The following MBNL1 variants were observed in gnomAD, a reference collection of about 807,000 sequenced individuals.
The protein encoded by MBNL1 is muscleblind-like protein 1.
A neutral mutation model predicts 42.2 loss-of-function variants in MBNL1; 8 were observed. The observed-to-expected ratio is 0.19, with a 90% confidence interval of 0.11 to 0.34. MBNL1 has a LOEUF of 0.34. MBNL1 is among the 10% of genes least tolerant of loss of function. The pLI, the probability that MBNL1 is intolerant of heterozygous loss-of-function variation, is 1.00. For synonymous variants in MBNL1, 169 were observed against 173.9 expected, an observed-to-expected ratio of 0.97 and a Z score of 0.22; for missense variants, 309 against 495.3, an observed-to-expected ratio of 0.62 and a Z score of 3.57.
intron 4 of MBNL1, among the ~76,000 whole-genome samples, 181 bp downstream of exon 4, chr3:152,433,101 A>G (rs998228400): frequency 6.6e-6 from 1 of 152,192 alleles, no homozygotes; most frequent in East Asian, 1.9e-4. Flanking sequence ...TGTAACGTTT[A>G]TAAAGGCTAC....
intron 2 of MBNL1, among the ~76,000 whole-genome samples, chr3:152,409,928 A>G (rs2098525631): frequency 1.3e-5 from 2 of 152,168 alleles, no homozygotes; most frequent in African/African-American, 4.8e-5. Context: ...AAGTCCAACC[A>G]ACTTCTAATC....
At chr3:152,380,193 A>T (rs1282762364) in intron 2 of MBNL1, among the ~76,000 whole-genome samples, 1 of 152,112 alleles carries the variant, frequency 6.6e-6, no homozygotes, top group Non-Finnish European at 1.5e-5. Context: ...AAGTTTGAAG[A>T]TGCATCATAA....
At chr3:152,420,177 G>T (rs867784171) in intron 3 of MBNL1, among the ~76,000 whole-genome samples, 7 of 152,186 alleles carry the variant, frequency 4.6e-5, no homozygotes, top group Non-Finnish European at 1.0e-4. Flanking sequence ...GGCTGTGGGC[G>T]CAGCTTCAGC....
chr3:152,306,866 C>T (rs2063416242), intron 2 of MBNL1, among the ~76,000 whole-genome samples: 1 of 152,208 alleles, frequency 6.6e-6, no homozygotes, highest in Non-Finnish European at 1.5e-5. Context: ...CTCATCTTGA[C>T]AAACTTGTCA....
intron 3 of MBNL1, among the ~76,000 whole-genome samples, chr3:152,426,298 C>T (rs1224663143): frequency 2.6e-5 from 4 of 151,990 alleles, no homozygotes; most frequent in African/African-American, 9.7e-5. Context: ...CACATGTATG[C>T]CCATGTAACA....
At chr3:152,407,621 AAAAAAATCCTAT>A (rs1560475126) in intron 2 of MBNL1, among the ~76,000 whole-genome samples, 5 of 152,156 alleles carry the variant, frequency 3.3e-5, no homozygotes, top group Non-Finnish European at 7.4e-5. Context: ...ATTATGTAAT[AAAAAAATCCTAT>A]TTACTTATTT....
At chr3:152,270,259 G>A (rs1273154163) in intron 1 of MBNL1, among the ~76,000 whole-genome samples, 1 of 152,120 alleles carries the variant, frequency 6.6e-6, no homozygotes, top group African/African-American at 2.4e-5. Context: ...GCAGATGGAT[G>A]GCAAACTCTG....
intron 3 of MBNL1, 113 bp downstream of exon 3, chr3:152,415,224 C>A: frequency 9.8e-7 from 1 of 1,024,310 alleles, no homozygotes; most frequent in Non-Finnish European, 1.3e-6. Context: ...ATTTCAGTTG[C>A]CTTACCATTT....
At chr3:152,365,962 C>T (rs1052283540) in intron 2 of MBNL1, among the ~76,000 whole-genome samples, 11 of 152,050 alleles carry the variant, frequency 7.2e-5, no homozygotes, top group Admixed American at 6.6e-4. Flanking sequence ...TTTGTTAGGA[C>T]AAACATGTAA....
intron 2 of MBNL1, among the ~76,000 whole-genome samples, chr3:152,343,940 T>C (rs1238484636): frequency 1.3e-5 from 2 of 152,126 alleles, no homozygotes; most frequent in African/African-American, 4.8e-5. Context: ...TATTCCCTTA[T>C]AAATAAGTTA....
rs1023006189 is a variant in MBNL1, at chr3:152,297,254, G to GTTT, written c.-789-2133_-789-2131dup. 4.0e-3 allele frequency among the ~76,000 whole-genome samples: 407 copies of GTTT among 101,480 alleles called. 4 individuals carry two copies. The highest frequency in any genetic ancestry group is 0.025 in the East Asian group (99 of 3,884). 66.6% of individuals were successfully genotyped at this position (101,480 alleles called of 152,430 possible). A position where few individuals can be genotyped will look rare whatever the true frequency, so the allele number is the denominator to read the frequency against. On this transcript the variant is annotated intron_variant, in intron 1 of 9. Coordinates refer to ENST00000324210, the MANE Select transcript of MBNL1 (RefSeq NM_021038.5). ...GCTTACAGTTTATGACTGGACCTTT[G>GTTT]TTTTTTTTTTTTTTTTTTTTATAGA...
At chr3:152,338,230 G>A (rs1236503700) in intron 2 of MBNL1, 20 of 985,060 alleles carry the variant, frequency 2.0e-5, no homozygotes, top group South Asian at 9.4e-5. Context: ...GTGTTCTGGC[G>A]GGAATCTTGG....
intron 1 of MBNL1, among the ~76,000 whole-genome samples, chr3:152,289,277 A>G (rs2054426716): frequency 6.6e-6 from 1 of 152,140 alleles, no homozygotes; most frequent in Admixed American, 6.5e-5. Flanking sequence ...GTAATATATA[A>G]TTGTTAAAAA....
chr3:152,245,282 T>C (rs746944620), intron 2 of MBNL1, among the ~76,000 whole-genome samples: 20 of 152,262 alleles, frequency 1.3e-4, no homozygotes, highest in Middle Eastern at 3.4e-3. Context: ...ATTCATAATA[T>C]AGCAATTTTT....
intron 2 of MBNL1, among the ~76,000 whole-genome samples, chr3:152,367,759 T>A (rs2096474410): frequency 2.0e-5 from 3 of 152,210 alleles, no homozygotes; most frequent in Non-Finnish European, 4.4e-5. Context: ...TGGTTTTGAT[T>A]TGCATTTCTC....
intron 2 of MBNL1, among the ~76,000 whole-genome samples, chr3:152,411,413 G>A (rs1462751854): frequency 6.6e-6 from 1 of 152,098 alleles, no homozygotes; most frequent in Admixed American, 6.6e-5. Flanking sequence ...CCAGCTACTC[G>A]GGAGGCTGAG....
chr3:152,447,629 C>T lies in MBNL1; in HGVS notation c.817C>T (p.Gln273Ter). The change falls in exon 6 of 10, where the codon CAA becomes TAA. Residue 273 changes from glutamine to a stop codon, truncating the protein, a stop_gained. Transcript: ENST00000324210. LOFTEE classifies it high-confidence loss of function. ...CTCATTCACTAAACAGGGAATTCCT[C>T]AAGCTGTACTTCCCCCATTACCAAA... ...AATAAAMGIP[Q>*]AVLPPLPKRP... 1 of 1,613,064 alleles carries T rather than the reference C, an allele frequency of 6.2e-7. No homozygotes were observed. The highest frequency in any genetic ancestry group is 8.5e-7 in the Non-Finnish European group (1 of 1,179,322).
chr3:152,390,779 C>T (rs1418401460), intron 2 of MBNL1, among the ~76,000 whole-genome samples: 1 of 152,122 alleles, frequency 6.6e-6, no homozygotes, highest in African/African-American at 2.4e-5. Context: ...GACTAGGATA[C>T]TTGATGCAGG....
At chr3:152,418,631 AG>A (rs770218236) in intron 3 of MBNL1, among the ~76,000 whole-genome samples, 39 of 92,100 alleles carry the variant, frequency 4.2e-4, no homozygotes, top group South Asian at 1.7e-3. Context: ...AAAAAAAAAA[AG>A]AGAGAGAGAG....
Sources: gnomAD v4.1 joint callset for allele counts (sites outside exome capture counted in the v4.1 genomes callset) on GRCh38, gnomAD v4.1.1 for gene constraint, MANE v1.5 for transcripts, NCBI Gene and HGNC (gene_info 2026-07-23, HGNC 2026-07-21) for gene names.